Variants in GALNT6 observed in about 807,000 individuals in gnomAD.
GALNT6 encodes polypeptide N-acetylgalactosaminyltransferase 6, also known as GalNAc transferase 6.
Under a neutral mutation model 65.9 loss-of-function variants are expected in GALNT6, and 51 were observed. The ratio of observed to expected loss-of-function variants is 0.77; its 90% CI spans 0.62 to 0.98. The LOEUF is 0.98. Ranked by LOEUF, GALNT6 falls within the 50% of genes least tolerant of loss-of-function variation. The pLI, the probability that GALNT6 is intolerant of heterozygous loss-of-function variation, is 0.00. For synonymous variants in GALNT6, 323 were observed against 315.1 expected (o/e 1.02, Z -0.26); for missense variants, 708 against 803.3 (o/e 0.88, Z 1.43).
At chr12:51,386,056 A>G (rs2137813453) in intron 2 of GALNT6, among the ~76,000 whole-genome samples, 1 of 152,342 alleles carries the variant, frequency 6.6e-6, no homozygotes, top group South Asian at 2.1e-4. Flanking sequence ...AATGTGGAGC[A>G]CTGGCTTCAC....
Position 51,354,338 on chromosome 12 carries a change from T to G in GALNT6, c.*41A>C, listed in dbSNP as rs771792428. The G allele has an allele frequency of 1.8e-6, 2 of 1,107,898 alleles. No individual in the cohort carries two copies. The highest frequency in any genetic ancestry group is 5.4e-5 in the Admixed American group (2 of 37,090). 68.6% of individuals were successfully genotyped at this position (1,107,898 alleles called of 1,614,324 possible). The stretch of plus-strand genomic sequence containing the variant: ...CCCAGACATCAGCAATCCTGTTTCC[T>G]GAGGAGCTTGTGGGGGCTCTCTCTG... On this transcript the variant is annotated 3_prime_UTR_variant, in exon 12 of 12. Coordinates refer to ENST00000356317, the MANE Select transcript of GALNT6 (RefSeq NM_007210.4).
At chr12:51,390,514 C>T (rs1948032706) in intron 2 of GALNT6, among the ~76,000 whole-genome samples, 1 of 152,246 alleles carries the variant, frequency 6.6e-6, no homozygotes, top group African/African-American at 2.4e-5. Flanking sequence ...TTCATCATCA[C>T]ATGAATTTCC....
intron 2 of GALNT6, among the ~76,000 whole-genome samples, chr12:51,389,074 C>T (rs1307410714): frequency 6.6e-6 from 1 of 152,192 alleles, no homozygotes; most frequent in African/African-American, 2.4e-5. Context: ...GACACAGAGA[C>T]AGGCACTGCC....
intron 2 of GALNT6, among the ~76,000 whole-genome samples, chr12:51,389,608 T>A (rs1483211227): frequency 1.3e-5 from 2 of 152,200 alleles, no homozygotes; most frequent in African/African-American, 2.4e-5. Flanking sequence ...AGATTATATA[T>A]CGAAGTTAGT....
At position 51,381,210 on chromosome 12, in the gene GALNT6, A is replaced by G. The variant is rs534201576; in HGVS notation, c.-103-1326T>C. ...AGCTATAATCGCACCATTGCTCTTC[A>G]GCATGGGCGAGAGAGAGATTCTGTC... On this transcript the variant is annotated intron_variant, in intron 2 of 11. Transcript: ENST00000356317. 6.5e-4 allele frequency among the ~76,000 whole-genome samples: 99 copies of G among 152,348 alleles called. No homozygotes were observed. In the Middle Eastern group the frequency reaches 0.024, roughly 37 times the overall value.
Position 51,379,696 on chromosome 12 carries a change from C to G in GALNT6, c.86G>C (p.Arg29Thr). ...AFVLFLFLLHRDVSSREEATE... is the reference protein window; with the variant it reads ...AFVLFLFLLHTDVSSREEATE... ...GGCCTCCTCTCTGCTGCTCACATCC[C>G]TATGCAGGAGGAAGAGGAAGAGCAC... Residue 29 changes from arginine (R) to threonine (T), a missense_variant, in exon 3 of 12, where the codon AGG becomes ACG. Physicochemically the swap from Arg to Thr is moderately conservative, Grantham distance 71. Transcript: ENST00000356317. 6.2e-7 allele frequency: 1 copy of G among 1,614,140 alleles called. No individual in the cohort carries two copies. The highest frequency in any genetic ancestry group is 8.5e-7 in the Non-Finnish European group (1 of 1,179,992).
In GALNT6 at chr12:51,355,884, AC is replaced by A. The variant is rs781621963; in HGVS notation, c.1676del (p.Gly559ValfsTer40). The part of the protein sequence containing the change: ...AKQLCLHVSK[G>X]ALGLGSCHFT... ...AGTGACAGCTCCCAAGGCCCAGAGCACCCTTGCTGACATGTAGACACAGCTG... is the reference window on the plus strand; with the variant it reads ...AGTGACAGCTCCCAAGGCCCAGAGCACCTTGCTGACATGTAGACACAGCTG... On this transcript the variant is annotated frameshift_variant, in exon 11 of 12. Coordinates refer to ENST00000356317, the MANE Select transcript of GALNT6 (RefSeq NM_007210.4). LOFTEE classifies it high-confidence loss of function. 2 of 1,613,714 alleles carry A rather than the reference AC, an allele frequency of 1.2e-6. No individual in the cohort carries two copies. The highest frequency in any genetic ancestry group is 8.5e-7 in the Non-Finnish European group (1 of 1,179,802).
chr12:51,368,758 T>C (rs11169820), intron 4 of GALNT6, among the ~76,000 whole-genome samples: 41,965 of 152,010 alleles, frequency 0.28, 6,000 homozygotes, highest in African/African-American at 0.32. Flanking sequence ...GATTATGACA[T>C]GGCGCTCATT....
Position 51,379,747 on chromosome 12 carries a change from C to A in GALNT6, c.35G>T (p.Arg12Leu). ...RLLRRRHMPLRLAMVGCAFVL... is the reference protein window; with the variant it reads ...RLLRRRHMPLLLAMVGCAFVL... ...AAAGGCGCAGCCCACCATGGCCAGGCGCAGGGGCATGTGGCGTCTGCGGAG... is the reference window on the plus strand; with the variant it reads ...AAAGGCGCAGCCCACCATGGCCAGGAGCAGGGGCATGTGGCGTCTGCGGAG... Residue 12 changes from arginine to leucine, a missense_variant, in exon 3 of 12, where the codon CGC becomes CTC. Transcript: ENST00000356317. 1 of 1,611,756 alleles carries A rather than the reference C, an allele frequency of 6.2e-7. No homozygotes were observed. Among genetic ancestry groups the A allele is most frequent in the Non-Finnish European group, 8.5e-7 (1 of 1,179,872 alleles).
chr12:51,354,556 C>A, intron 11 of GALNT6, 64 bp from the exon 12 acceptor site: 1 of 963,826 alleles, frequency 1.0e-6, no homozygotes, highest in South Asian at 1.6e-5. Context: ...CTACCAGGGA[C>A]AATGCGATGG....
chr12:51,377,398 C>T (rs1380751437), intron 3 of GALNT6, 31 bp from the exon 4 acceptor site: 22 of 1,604,536 alleles, frequency 1.4e-5, no homozygotes, highest in Non-Finnish European at 1.9e-5. Flanking sequence ...ACAAAGTTCT[C>T]CTGGTCCCTG....
intron 10 of GALNT6, among the ~76,000 whole-genome samples, chr12:51,356,298 C>T (rs1215446674): frequency 6.6e-6 from 1 of 150,704 alleles, no homozygotes; most frequent in African/African-American, 2.4e-5. Flanking sequence ...ACCTTGGCCT[C>T]CCAAAGTGCT....
At position 51,358,252 on chromosome 12, in the gene GALNT6, C is replaced by G. The variant is rs765024373; in HGVS notation, c.1378G>C (p.Gly460Arg). 9 of 1,613,290 alleles carry G rather than the reference C, an allele frequency of 5.6e-6. No individual in the cohort carries two copies. The South Asian group carries it at 9.9e-5, about 18-fold the overall frequency. Residue 460 changes from glycine (G) to arginine (R), a missense_variant, in exon 9 of 12, where the codon GGT becomes CGT. Physicochemically the swap from Gly to Arg is moderately radical, Grantham distance 125. Transcript: ENST00000356317. Reference sequence around the variant, plus strand: ...AGCTGCAGTCGTTCCGAAATGTCACCGAAGGATTTCTGTCAATCAAGCCAG... The same window carrying G: ...AGCTGCAGTCGTTCCGAAATGTCACGGAAGGATTTCTGTCAATCAAGCCAG... ...AAKMAQEKSFGDISERLQLRE... is the reference protein window; with the variant it reads ...AAKMAQEKSFRDISERLQLRE...
At chr12:51,373,409 C>T (rs1263914619) in intron 4 of GALNT6, among the ~76,000 whole-genome samples, 1 of 152,138 alleles carries the variant, frequency 6.6e-6, no homozygotes, top group Non-Finnish European at 1.5e-5. Context: ...TGAGGGGCTT[C>T]CCCTTTTGCT....
Position 51,376,361 on chromosome 12 carries a change from C to T in GALNT6, c.664+834G>A, listed in dbSNP as rs141904405. 7.9e-3 allele frequency among the ~76,000 whole-genome samples: 1,200 copies of T among 151,654 alleles called. 14 individuals carry two copies. Among genetic ancestry groups the T allele is most frequent in the African/African-American group, 0.028 (1,141 of 41,388 alleles). Reference sequence around the variant, plus strand: ...GTTGTAAGAGGCTTCTGGCCGGGCACGGTGGCTCATGCCTGTAATCCCAGC... The same window carrying T: ...GTTGTAAGAGGCTTCTGGCCGGGCATGGTGGCTCATGCCTGTAATCCCAGC... On this transcript the variant is annotated intron_variant, in intron 4 of 11. Coordinates refer to ENST00000356317, the MANE Select transcript of GALNT6 (RefSeq NM_007210.4).
intron 2 of GALNT6, chr12:51,382,612 A>G (rs1183660057): frequency 6.6e-6 from 1 of 152,504 alleles, no homozygotes; most frequent in African/African-American, 2.4e-5. Flanking sequence ...ACCAAGTCCT[A>G]AGGGCCTTGT....
Position 51,379,315 on chromosome 12 carries a change from A to G in GALNT6, c.467T>C (p.Leu156Pro), listed in dbSNP as rs752757399. ...ASDRISLQRS[L>P]GPDTRPPECV... ...CTCAGGTGGTCGGGTGTCTGGCCCC[A>G]GGGACCTCTGCAGGGAGATCCGGTC... is the stretch of plus-strand genomic sequence containing the variant. The change falls in exon 3 of 12, where the codon CTG becomes CCG. Residue 156 changes from leucine to proline, a missense_variant. Leu to Pro is a moderately conservative substitution (Grantham distance 98). Coordinates refer to ENST00000356317, the MANE Select transcript of GALNT6 (RefSeq NM_007210.4). 31 of 1,524,110 alleles carry G rather than the reference A, an allele frequency of 2.0e-5. No individual in the cohort carries two copies. The highest frequency in any genetic ancestry group is 1.7e-5 in the Non-Finnish European group (19 of 1,139,320). The allele number at this position is 1,524,110 out of a possible 1,614,324, so 94.4% of individuals were successfully genotyped here. A position where few individuals can be genotyped will look rare whatever the true frequency, so the allele number is the denominator to read the frequency against.
chr12:51,375,879 GAGA>G lies in GALNT6; in HGVS notation c.664+1313_664+1315del, dbSNP rs377156048. 8.5e-4 allele frequency among the ~76,000 whole-genome samples: 129 copies of G among 151,374 alleles called. 1 individual carries two copies. Among genetic ancestry groups the G allele is most frequent in the African/African-American group, 2.9e-3 (119 of 41,270 alleles). On this transcript the variant is annotated intron_variant, in intron 4 of 11. Coordinates refer to ENST00000356317, the MANE Select transcript of GALNT6 (RefSeq NM_007210.4). ...GTCCTTTTTTTTGTTTTGTTTTTTT[GAGA>G]AGGAGTCTCACTCTGTCTCTCAGGC...
chr12:51,377,333 G>C lies in GALNT6; in HGVS notation c.526C>G (p.Leu176Val), dbSNP rs1397691819. 1 of 1,612,700 alleles carries C rather than the reference G, an allele frequency of 6.2e-7. No individual in the cohort carries two copies. The highest frequency in any genetic ancestry group is 1.3e-5 in the African/African-American group (1 of 74,894). ...ACAATGATCACGCTGGTGGTGGCCA[G>C]TGGGGGGCAGCGCCGGAACTTCTGG... is the stretch of plus-strand genomic sequence containing the variant. ...VDQKFRRCPP[L>V]ATTSVIIVFH... The change falls in exon 4 of 12, where the codon CTG becomes GTG. Residue 176 changes from leucine to valine, a missense_variant. Coordinates refer to ENST00000356317, the MANE Select transcript of GALNT6 (RefSeq NM_007210.4).
Sources: gnomAD v4.1 joint callset for allele counts (sites outside exome capture counted in the v4.1 genomes callset) on GRCh38, gnomAD v4.1.1 for gene constraint, MANE v1.5 for transcripts, NCBI Gene and HGNC (gene_info 2026-07-23, HGNC 2026-07-21) for gene names.